Variants in SELENOI observed in about 807,000 individuals in gnomAD.
SELENOI encodes the protein selenoprotein I.
Under a neutral mutation model 50.7 loss-of-function variants are expected in SELENOI, and 24 were observed. The ratio of observed to expected loss-of-function variants is 0.47; its 90% CI spans 0.34 to 0.67. The LOEUF is 0.67. Ranked by LOEUF, SELENOI falls within the 30% of genes least tolerant of loss-of-function variation. The probability of loss-of-function intolerance (pLI) is 0.01; values close to 1 mark genes in which losing one functional copy is unlikely to be tolerated. For synonymous variants in SELENOI, 155 were observed against 170.2 expected, an observed-to-expected ratio of 0.91 and a Z score of 0.70; for missense variants, 352 against 461.4, an observed-to-expected ratio of 0.76 and a Z score of 2.17.
chr2:26,380,944 G>C (rs905516651), intron 6 of SELENOI, among the ~76,000 whole-genome samples: 1 of 151,798 alleles, frequency 6.6e-6, no homozygotes, highest in Admixed American at 6.6e-5. Context: ...CTCTCAAACA[G>C]ATTTTTTTTT....
In SELENOI at chr2:26,348,996, C is replaced by CTTTTTTTTT. The variant is rs869073468; in HGVS notation, c.57+2734_57+2742dup. ...CTACCCATCCTTTGTTTTGGACAGG[C>CTTTTTTTTT]TTTTTTTTTTTTTTTTTTTTTTTTT... On this transcript the variant is annotated intron_variant, in intron 1 of 9. Transcript: ENST00000260585. 4.7e-4 allele frequency among the ~76,000 whole-genome samples: 27 copies of CTTTTTTTTT among 57,720 alleles called. 4 individuals carry two copies. Among genetic ancestry groups the CTTTTTTTTT allele is most frequent in the East Asian group, 1.7e-3 (2 of 1,162 alleles). 37.9% of individuals were successfully genotyped at this position (57,720 alleles called of 152,430 possible). A position where few individuals can be genotyped will look rare whatever the true frequency, so the allele number is the denominator to read the frequency against.
chr2:26,367,808 T>C (rs1677317452), intron 4 of SELENOI, among the ~76,000 whole-genome samples: 1 of 152,202 alleles, frequency 6.6e-6, no homozygotes, highest in African/African-American at 2.4e-5. Flanking sequence ...TGCTAGACCA[T>C]GCTGTCTGTC....
chr2:26,373,009 C>T (rs1046981671), intron 4 of SELENOI, among the ~76,000 whole-genome samples: 2 of 152,196 alleles, frequency 1.3e-5, no homozygotes, highest in African/African-American at 4.8e-5. Flanking sequence ...CCACCTCAGC[C>T]TCCTGAGTAG....
intron 9 of SELENOI, among the ~76,000 whole-genome samples, chr2:26,387,845 A>G (rs929071460): frequency 6.6e-6 from 1 of 152,184 alleles, no homozygotes; most frequent in African/African-American, 2.4e-5. Context: ...CTCTTAAAAC[A>G]CTTCTATTTG....
At chr2:26,369,263 A>T (rs979271229) in intron 4 of SELENOI, among the ~76,000 whole-genome samples, 1 of 152,102 alleles carries the variant, frequency 6.6e-6, no homozygotes, top group African/African-American at 2.4e-5. Context: ...TAAGATTCTC[A>T]TGTTTATATC....
At chr2:26,354,321 G>T (rs932270627) in intron 1 of SELENOI, among the ~76,000 whole-genome samples, 1 of 152,028 alleles carries the variant, frequency 6.6e-6, no homozygotes, top group Non-Finnish European at 1.5e-5. Context: ...CTGCTATTCT[G>T]CCTCTCAAAA....
chr2:26,376,444 C>T (rs1019641415), intron 6 of SELENOI, among the ~76,000 whole-genome samples: 1 of 152,184 alleles, frequency 6.6e-6, no homozygotes. Flanking sequence ...AAGACAGAAT[C>T]CTCTGGTATA....
Position 26,389,045 on chromosome 2 carries a change from C to T in SELENOI, c.1136C>T (p.Ser379Leu), listed in dbSNP as rs562178613. 1.9e-6 allele frequency: 3 copies of T among 1,590,478 alleles called. No homozygotes were observed. Among genetic ancestry groups the T allele is most frequent in the African/African-American group, 1.3e-5 (1 of 74,666 alleles). ...LSSHFQIYPF[S>L]LRKPNSDULG... ...AGCCATTTTCAGATTTACCCCTTCT[C>T]ATTGAGGAAACCAAACTCAGATTGA... is the stretch of plus-strand genomic sequence containing the variant. Residue 379 changes from serine (S) to leucine (L), a missense_variant, in exon 10 of 10, where the codon TCA (serine) becomes TTA (leucine). Transcript: ENST00000260585.
intron 1 of SELENOI, among the ~76,000 whole-genome samples, chr2:26,354,110 A>G (rs1031774349): frequency 6.6e-6 from 1 of 152,156 alleles, no homozygotes; most frequent in Non-Finnish European, 1.5e-5. Flanking sequence ...TATATTGTAT[A>G]CTCTGTGCCA....
At chr2:26,375,779 T>C (rs1016695331) in intron 6 of SELENOI, among the ~76,000 whole-genome samples, 5 of 152,110 alleles carry the variant, frequency 3.3e-5, no homozygotes, top group Non-Finnish European at 7.4e-5. Context: ...TAAAAAGGTA[T>C]ATGTGTGGGC....
Position 26,373,544 on chromosome 2 carries a change from T to C in SELENOI, c.488T>C (p.Val163Ala). Reference sequence around the variant, plus strand: ...GTTCTTTATCTCCTGCTATGGGTAGTTTTGTTTTCTTTCATCCTGTCCCAC... The same window carrying C: ...GTTCTTTATCTCCTGCTATGGGTAGCTTTGTTTTCTTTCATCCTGTCCCAC... ...VFVLYLLLWV[V>A]LFSFILSHWE... is the part of the protein sequence containing the mutation. The change falls in exon 5 of 10, where the codon GTT becomes GCT. Residue 163 changes from valine (V) to alanine (A), a missense_variant. Physicochemically the swap from Val to Ala is moderately conservative, Grantham distance 64. Coordinates refer to ENST00000260585, the MANE Select transcript of SELENOI (RefSeq NM_033505.4). 1 of 1,613,970 alleles carries C rather than the reference T, an allele frequency of 6.2e-7. No individual in the cohort carries two copies. Among genetic ancestry groups the C allele is most frequent in the Non-Finnish European group, 8.5e-7 (1 of 1,179,868 alleles).
At position 26,374,968 on chromosome 2, in the gene SELENOI, A is replaced by G. The variant is rs147891812; in HGVS notation, c.574-72A>G. The G allele has an allele frequency of 2.0e-3, 2,066 of 1,028,920 alleles. 33 individuals are homozygous for G. In the African/African-American group the frequency reaches 0.029, roughly 14 times the overall value. 63.7% of individuals were successfully genotyped at this position (1,028,920 alleles called of 1,614,324 possible). A position where few individuals can be genotyped will look rare whatever the true frequency, so the allele number is the denominator to read the frequency against. On this transcript the variant is annotated intron_variant, in intron 5 of 9. Transcript: ENST00000260585. Reference sequence around the variant, plus strand: ...ACTGTTTGACTTGACTTAATGCTGCATAAAGCATGGTGACTCCTGATCTTT... The same window carrying G: ...ACTGTTTGACTTGACTTAATGCTGCGTAAAGCATGGTGACTCCTGATCTTT...
intron 1 of SELENOI, 121 bp downstream of exon 1, chr2:26,346,410 T>TTC: frequency 7.9e-7 from 1 of 1,258,892 alleles, no homozygotes; most frequent in South Asian, 1.6e-5. Context: ...CTGGCGGGCG[T>TTC]TCCTCCGGAG....
intron 9 of SELENOI, 51 bp downstream of exon 9, chr2:26,386,587 C>A: frequency 3.6e-6 from 5 of 1,407,010 alleles, no homozygotes; most frequent in South Asian, 3.2e-5. Flanking sequence ...TAAATGGCAC[C>A]AATAAATGCC....
At chr2:26,365,104 A>G (rs188220203) in intron 3 of SELENOI, among the ~76,000 whole-genome samples, 164 bp downstream of exon 3, 167 of 152,340 alleles carry the variant, frequency 1.1e-3, no homozygotes, top group Admixed American at 0.01. Flanking sequence ...AAAAGCAATG[A>G]GGTTTTGGCA....
At chr2:26,371,482 C>A (rs1677444989) in intron 4 of SELENOI, among the ~76,000 whole-genome samples, 1 of 152,244 alleles carries the variant, frequency 6.6e-6, no homozygotes, top group African/African-American at 2.4e-5. Flanking sequence ...AGGCTGCAAT[C>A]TTGGCACTTT....
In SELENOI at chr2:26,392,242, C is replaced by A. The variant is rs1249765555; in HGVS notation, c.*3139C>A. 1 of 152,070 alleles carries A rather than the reference C, an allele frequency of 6.6e-6. No homozygotes were observed. The highest frequency in any genetic ancestry group is 2.4e-5 in the African/African-American group (1 of 41,408). The allele number at this position is 152,070 out of a possible 1,614,324, so 9.4% of individuals were successfully genotyped here. On this transcript the variant is annotated 3_prime_UTR_variant, in exon 10 of 10. Transcript: ENST00000260585. ...ACAAAGGAAAAAGCAGGCATAGTTT[C>A]CACTTTAAAGGGAAGAAGGGACTTT...
At chr2:26,346,381 C>T (rs977671933) in intron 1 of SELENOI, 92 bp downstream of exon 1, 12 of 1,388,070 alleles carry the variant, frequency 8.6e-6, no homozygotes, top group South Asian at 4.6e-5. Context: ...TCACCTTGTG[C>T]CGCGTGGCTC....
chr2:26,355,385 C>CA (rs5830007), intron 1 of SELENOI, among the ~76,000 whole-genome samples: 64,254 of 152,104 alleles, frequency 0.42, 14,639 homozygotes, highest in Non-Finnish European at 0.51. Flanking sequence ...TGTAATAGCA[C>CA]AGAGACAATA....
Sources: gnomAD v4.1 joint callset for allele counts (sites outside exome capture counted in the v4.1 genomes callset) on GRCh38, gnomAD v4.1.1 for gene constraint, MANE v1.5 for transcripts, NCBI Gene and HGNC (gene_info 2026-07-23, HGNC 2026-07-21) for gene names.